The following ANO1 variants were observed in gnomAD, a reference collection of about 807,000 sequenced individuals.
The protein encoded by ANO1 is anoctamin 1.
A neutral mutation model predicts 124.0 loss-of-function variants in ANO1; 59 were observed. The ratio of observed to expected loss-of-function variants is 0.48; its 90% confidence interval spans 0.39 to 0.59. ANO1 has a LOEUF of 0.59. Among genes scored for constraint, ANO1 ranks in the 20% least tolerant of loss-of-function variants. The pLI, the probability that ANO1 is intolerant of heterozygous loss-of-function variation, is 0.00. For missense variants in ANO1, 1,059 were observed against 1,328.0 expected (o/e 0.80, Z 3.15); for synonymous variants, 529 against 532.0 (o/e 0.99, Z 0.08).
Position 70,030,534 on chromosome 11 carries a change from G to C in ANO1, c.58+44368G>C, listed in dbSNP as rs181804203. On this transcript the variant is annotated intron_variant, in intron 1 of 27. Transcript: ENST00000531349. ...ATCCGCAGGACTGGTCCCTTCACAGGCTCCGTCCCTGCCGCTTCCAGATTC... is the reference window on the plus strand; with the variant it reads ...ATCCGCAGGACTGGTCCCTTCACAGCCTCCGTCCCTGCCGCTTCCAGATTC... Among the ~76,000 whole-genome samples, 453 of 152,296 alleles carry C rather than the reference G, an allele frequency of 3.0e-3. 3 individuals carry two copies. Among genetic ancestry groups the C allele is most frequent in the African/African-American group, 0.01 (431 of 41,562 alleles).
At chr11:70,186,220 G>A (rs1376619828) in intron 25 of ANO1, among the ~76,000 whole-genome samples, 1 of 152,070 alleles carries the variant, frequency 6.6e-6, no homozygotes, top group Admixed American at 6.6e-5. Flanking sequence ...CCAGGAGGCA[G>A]AGGTTGCAGT....
At chr11:70,053,065 G>A (rs1857379316) in intron 1 of ANO1, among the ~76,000 whole-genome samples, 1 of 152,002 alleles carries the variant, frequency 6.6e-6, no homozygotes, top group African/African-American at 2.4e-5. Flanking sequence ...TTTGTTCTTA[G>A]TATATAGAAG....
In ANO1 at chr11:70,185,655, C is replaced by G; in HGVS notation, c.2654C>G (p.Ala885Gly). 6.2e-7 allele frequency: 1 copy of G among 1,613,944 alleles called. No homozygotes were observed. The highest frequency in any genetic ancestry group is 1.3e-5 in the African/African-American group (1 of 75,050). The change falls in exon 25 of 26, where the codon GCC (alanine) becomes GGC (glycine). Residue 885 changes from alanine to glycine, a missense_variant. Transcript: ENST00000355303. Reference protein sequence around the residue: ...NKYDISKDFWAVLAARLAFVI... With the variant: ...NKYDISKDFWGVLAARLAFVI... ...TACGACATCTCCAAGGACTTCTGGG[C>G]CGTCCTGGCAGCCCGGCTGGCGTTT...
intron 24 of ANO1, among the ~76,000 whole-genome samples, chr11:70,183,141 A>G (rs186348873): frequency 1.3e-5 from 2 of 152,268 alleles, no homozygotes; most frequent in Admixed American, 1.3e-4. Context: ...AGGGGAGGAA[A>G]TTAGAGGTGA....
chr11:69,983,429 T>C (rs1855975045), upstream of ANO1, among the ~76,000 whole-genome samples: 1 of 152,228 alleles, frequency 6.6e-6, no homozygotes, highest in Non-Finnish European at 1.5e-5. Context: ...TGTGTTGTAA[T>C]GACAGGCACG....
rs376613588 is a variant in ANO1 at position 70,105,752 on chromosome 11, G to A, written c.711G>A (p.Lys237=). 1.2e-6 allele frequency: 2 copies of A among 1,613,718 alleles called. No homozygotes were observed. Among genetic ancestry groups the A allele is most frequent in the South Asian group, 1.1e-5 (1 of 91,072 alleles). ...EKQHLFDLSD[K]DSFFDSKTRS... ...TCCACAGATTTGACTTGTCTGATAAGGATTCCTTTTTCGACAGCAAAACCC... is the reference window on the plus strand; with the variant it reads ...TCCACAGATTTGACTTGTCTGATAAAGATTCCTTTTTCGACAGCAAAACCC... The change falls in exon 5 of 26, where the codon AAG becomes AAA. Residue 237 remains lysine, a synonymous_variant. Coordinates refer to ENST00000355303, the MANE Select transcript of ANO1 (RefSeq NM_018043.7).
intron 1 of ANO1, among the ~76,000 whole-genome samples, chr11:70,061,478 C>T (rs1857576073): frequency 6.9e-6 from 1 of 145,800 alleles, no homozygotes; most frequent in African/African-American, 2.5e-5. Context: ...CTCCCCACCT[C>T]CCCCTCCCCC....
intron 18 of ANO1, among the ~76,000 whole-genome samples, chr11:70,163,039 G>A (rs780764224): frequency 1.2e-4 from 19 of 152,234 alleles, no homozygotes; most frequent in Admixed American, 3.3e-4. Flanking sequence ...TCTCAGTCTC[G>A]TGGCCTCTCA....
At position 70,132,049 on chromosome 11, in the gene ANO1, GTCT is replaced by G. The variant is rs1451066636; in HGVS notation, c.1235_1237del (p.Phe412del). The G allele has an allele frequency of 2.5e-6, 4 of 1,601,482 alleles. No individual in the cohort carries two copies. The highest frequency in any genetic ancestry group is 2.5e-6 in the Non-Finnish European group (3 of 1,176,882). The stretch of plus-strand genomic sequence containing the variant: ...CCACCTCTTCGACAACCCCGCCACG[GTCT>G]TCTTCTCTGTCTTCATGGCCCTCTG... On this transcript the variant is annotated inframe_deletion, in exon 11 of 26. Coordinates refer to ENST00000355303, the MANE Select transcript of ANO1 (RefSeq NM_018043.7).
chr11:70,174,920 AAAAAGAAAAG>A (rs59754818), intron 22 of ANO1, among the ~76,000 whole-genome samples: 44 of 149,936 alleles, frequency 2.9e-4, no homozygotes, highest in East Asian at 1.6e-3. Flanking sequence ...AAAGAAAAGA[AAAAAGAAAAG>A]AAAAGAAAAG....
At chr11:70,039,156 G>T (rs1857140583) in intron 1 of ANO1, among the ~76,000 whole-genome samples, 1 of 152,180 alleles carries the variant, frequency 6.6e-6, no homozygotes, top group Non-Finnish European at 1.5e-5. Flanking sequence ...AGTAAGTCTG[G>T]AATAGGAAGT....
At chr11:70,179,398 A>G (rs1459228745) in intron 22 of ANO1, among the ~76,000 whole-genome samples, 3 of 152,114 alleles carry the variant, frequency 2.0e-5, no homozygotes, top group Non-Finnish European at 4.4e-5. Context: ...TCTCATGGCC[A>G]CTGGGAAGAC....
chr11:69,976,069 G>T, the ANO1 span, among the ~76,000 whole-genome samples: 1 of 152,128 alleles, frequency 6.6e-6, no homozygotes, highest in African/African-American at 2.4e-5. Context: ...CCCTTCACCT[G>T]GGCCGTGTCT....
chr11:69,975,104 T>C, the ANO1 span, among the ~76,000 whole-genome samples: 1 of 152,302 alleles, frequency 6.6e-6, no homozygotes, highest in South Asian at 2.1e-4. Context: ...CCATGGCCAC[T>C]GACGGCACCA....
At chr11:70,100,889 G>A (rs1373702699) in intron 2 of ANO1, among the ~76,000 whole-genome samples, 1 of 152,184 alleles carries the variant, frequency 6.6e-6, no homozygotes, top group Non-Finnish European at 1.5e-5. Context: ...TATGTGCAAA[G>A]CGGCTGCTCT....
intron 1 of ANO1, among the ~76,000 whole-genome samples, chr11:70,085,076 G>T (rs1374021614): frequency 6.6e-6 from 1 of 152,132 alleles, no homozygotes; most frequent in African/African-American, 2.4e-5. Context: ...GTGCAGATGG[G>T]ACTTGAGGCT....
At chr11:70,048,126 C>T (rs1555005891) in intron 1 of ANO1, among the ~76,000 whole-genome samples, 1 of 152,210 alleles carries the variant, frequency 6.6e-6, no homozygotes, top group Non-Finnish European at 1.5e-5. Context: ...TCCATTTGCA[C>T]TCAAAGTAAA....
At chr11:70,130,160 G>T (rs1210179738) in intron 10 of ANO1, among the ~76,000 whole-genome samples, 1 of 152,208 alleles carries the variant, frequency 6.6e-6, no homozygotes, top group African/African-American at 2.4e-5. Flanking sequence ...ACCAGCCAGG[G>T]TGTGTACTTA....
At chr11:70,067,398 G>T (rs916377537) in intron 1 of ANO1, among the ~76,000 whole-genome samples, 1 of 142,926 alleles carries the variant, frequency 7.0e-6, no homozygotes, top group African/African-American at 2.6e-5. Context: ...CGCAATCTCC[G>T]CTCACTGCAA....
Sources: gnomAD v4.1 joint callset for allele counts (sites outside exome capture counted in the v4.1 genomes callset) on GRCh38, gnomAD v4.1.1 for gene constraint, MANE v1.5 for transcripts, NCBI Gene and HGNC (gene_info 2026-07-23, HGNC 2026-07-21) for gene names.